The following PDE3B variants were observed in gnomAD, a reference collection of about 807,000 sequenced individuals.
The protein encoded by PDE3B is phosphodiesterase 3B, also known as cGMP-inhibited 3',5'-cyclic phosphodiesterase 3B.
In PDE3B, 66 loss-of-function variants were observed where a neutral mutation model predicts 116.8. The observed-to-expected ratio is 0.56, with a 90% confidence interval of 0.46 to 0.69. The LOEUF is 0.69. Among genes scored for constraint, PDE3B ranks in the 30% least tolerant of loss-of-function variants. PDE3B has a pLI of 0.00. For synonymous variants in PDE3B, 595 were observed against 533.6 expected (o/e 1.12, Z -1.59); for missense variants, 1,384 against 1,368.1 (o/e 1.01, Z -0.18).
In PDE3B at chr11:14,843,870, T is replaced by A. The variant is rs1328108264; in HGVS notation, c.2364T>A (p.Ser788=). 1 of 1,614,090 alleles carries A rather than the reference T, an allele frequency of 6.2e-7. No individual in the cohort carries two copies. The highest frequency in any genetic ancestry group is 8.5e-7 in the Non-Finnish European group (1 of 1,180,030). The part of the protein sequence containing the change: ...RINHGRIAYI[S]SKSCSNPDES... ...ACCATGGGCGAATTGCTTATATTTC[T>A]TCGAAGAGCTGCTCTAATCCTGATG... is the stretch of plus-strand genomic sequence containing the variant. Residue 788 remains serine (S), a synonymous_variant, in exon 12 of 16, where the codon TCT becomes TCA. Coordinates refer to ENST00000282096, the MANE Select transcript of PDE3B (RefSeq NM_000922.4).
chr11:14,794,860 T>C (rs1858504059), intron 4 of PDE3B, among the ~76,000 whole-genome samples: 1 of 152,162 alleles, frequency 6.6e-6, no homozygotes, highest in Admixed American at 6.5e-5. Flanking sequence ...ACAAATAATA[T>C]TTTAAAGGAT....
At chr11:14,885,930 A>G in the PDE3B span, 1 of 1,612,238 alleles carries the variant, frequency 6.2e-7, no homozygotes, top group Non-Finnish European at 8.5e-7. Context: ...TTGAGAAGAG[A>G]AGAAAAACAA....
chr11:14,851,849 C>A (rs1847760469), intron 12 of PDE3B, among the ~76,000 whole-genome samples: 1 of 152,080 alleles, frequency 6.6e-6, no homozygotes, highest in Admixed American at 6.6e-5. Context: ...GATTAAAAGT[C>A]CTGTCTTAGA....
At chr11:14,778,572 C>T (rs1290497696) in intron 2 of PDE3B, among the ~76,000 whole-genome samples, 1 of 152,150 alleles carries the variant, frequency 6.6e-6, no homozygotes, top group East Asian at 1.9e-4. Flanking sequence ...AGTGGACCTC[C>T]AGCAAACTCC....
chr11:14,723,815 G>C (rs1464295580), intron 1 of PDE3B, among the ~76,000 whole-genome samples: 1 of 152,018 alleles, frequency 6.6e-6, no homozygotes, highest in Admixed American at 6.6e-5. Context: ...AAGAGCAATG[G>C]TATGCTTACA....
chr11:14,775,794 C>G (rs899806548), intron 2 of PDE3B: 7 of 152,328 alleles, frequency 4.6e-5, no homozygotes, highest in African/African-American at 1.2e-4. Context: ...ACCTCGGCCT[C>G]CCAAAGTGCT....
In PDE3B at chr11:14,693,057, G is replaced by A. The variant is rs1009029185; in HGVS notation, c.978+48004G>A. ...CTTTACTGCTGATACGGAGAAGTTC[G>A]AGTGGTCTGGATAGAAAATCAAACC... is the stretch of plus-strand genomic sequence containing the variant. On this transcript the variant is annotated intron_variant, in intron 1 of 15. Coordinates refer to ENST00000282096, the MANE Select transcript of PDE3B (RefSeq NM_000922.4). Among the ~76,000 whole-genome samples the A allele has an allele frequency of 7.2e-5, 11 of 152,298 alleles. No individual in the cohort carries two copies. The East Asian group carries it at 1.2e-3, about 16-fold the overall frequency.
the PDE3B span, chr11:14,887,631 T>G: frequency 2.0e-6 from 2 of 985,358 alleles, no homozygotes; most frequent in Non-Finnish European, 2.4e-6. Context: ...TTTCCTTGCC[T>G]TCTAGATCAC....
At chr11:14,703,979 T>G (rs964898935) in intron 1 of PDE3B, among the ~76,000 whole-genome samples, 6 of 151,784 alleles carry the variant, frequency 4.0e-5, no homozygotes, top group African/African-American at 1.4e-4. Flanking sequence ...TTTTTCTTCC[T>G]TAAATCTTTT....
At chr11:14,880,767 G>T in the PDE3B span, 12 of 1,604,780 alleles carry the variant, frequency 7.5e-6, no homozygotes, top group African/African-American at 1.2e-4. Context: ...AATTGAGTAA[G>T]CCTGAAAAAA....
intron 1 of PDE3B, among the ~76,000 whole-genome samples, chr11:14,769,706 C>A (rs902501990): frequency 1.3e-5 from 2 of 148,254 alleles, no homozygotes; most frequent in Admixed American, 1.4e-4. Context: ...TCATCTCCCC[C>A]TTCATGTAAT....
At position 14,695,832 on chromosome 11, in the gene PDE3B, C is replaced by CA. The variant is rs774017549; in HGVS notation, c.978+50782dup. On this transcript the variant is annotated intron_variant, in intron 1 of 15. Coordinates refer to ENST00000282096, the MANE Select transcript of PDE3B (RefSeq NM_000922.4). Reference sequence around the variant, plus strand: ...GCTTCCAGCTTCATCCATGTCCCTACAAAGGACATGATCTCATTCCTTTTA... The same window carrying CA: ...GCTTCCAGCTTCATCCATGTCCCTACAAAAGGACATGATCTCATTCCTTTTA... 1.2e-3 allele frequency among the ~76,000 whole-genome samples: 181 copies of CA among 152,232 alleles called. 3 individuals carry two copies. Among genetic ancestry groups the CA allele is most frequent in the Admixed American group, 2.5e-3 (38 of 15,270 alleles).
chr11:14,835,558 T>C (rs1056791012), intron 11 of PDE3B, among the ~76,000 whole-genome samples: 2 of 152,292 alleles, frequency 1.3e-5, no homozygotes, highest in Non-Finnish European at 2.9e-5. Flanking sequence ...ATTAAAAACT[T>C]TTATAAACAA....
At chr11:14,852,070 G>T (rs1037023561) in intron 12 of PDE3B, among the ~76,000 whole-genome samples, 1 of 152,080 alleles carries the variant, frequency 6.6e-6, no homozygotes, top group African/African-American at 2.4e-5. Context: ...GCTTTGTTTT[G>T]TTTTGAGACA....
At chr11:14,705,304 C>T (rs1157402501) in intron 1 of PDE3B, among the ~76,000 whole-genome samples, 2 of 151,786 alleles carry the variant, frequency 1.3e-5, no homozygotes, top group African/African-American at 4.8e-5. Context: ...CTATCCCTAC[C>T]AGTAGAAGGG....
chr11:14,777,219 G>A (rs1315035033), intron 2 of PDE3B, among the ~76,000 whole-genome samples: 1 of 152,050 alleles, frequency 6.6e-6, no homozygotes, highest in African/African-American at 2.4e-5. Flanking sequence ...CAACATAGAG[G>A]AAACAGAAAC....
chr11:14,804,495 C>G (rs1858861680), intron 5 of PDE3B, among the ~76,000 whole-genome samples: 1 of 151,718 alleles, frequency 6.6e-6, no homozygotes, highest in African/African-American at 2.4e-5. Context: ...TGATTAAAAA[C>G]TCTTGGATGC....
rs751044247 is a variant in PDE3B, at chr11:14,831,623, T to C, written c.1957-17T>C. 6.8e-7 allele frequency: 1 copy of C among 1,466,172 alleles called. No homozygotes were observed. Among genetic ancestry groups the C allele is most frequent in the South Asian group, 1.4e-5 (1 of 70,288 alleles). 90.8% of individuals were successfully genotyped at this position (1,466,172 alleles called of 1,614,324 possible). A position where few individuals can be genotyped will look rare whatever the true frequency, so the allele number is the denominator to read the frequency against. On this transcript the variant is annotated splice_polypyrimidine_tract_variant and intron_variant, in intron 8 of 15. Transcript: ENST00000282096. The stretch of plus-strand genomic sequence containing the variant: ...TATAAAAGATAAAATAAAGTTGTTG[T>C]TTCCCTGTATGTACAGATTGAACAG...
intron 2 of PDE3B, among the ~76,000 whole-genome samples, chr11:14,783,645 G>C (rs992742714): frequency 1.3e-5 from 2 of 152,036 alleles, no homozygotes; most frequent in Admixed American, 1.3e-4. Flanking sequence ...CTAGCATTGG[G>C]AGATATACCT....
Sources: gnomAD v4.1 joint callset for allele counts (sites outside exome capture counted in the v4.1 genomes callset) on GRCh38, gnomAD v4.1.1 for gene constraint, MANE v1.5 for transcripts, NCBI Gene and HGNC (gene_info 2026-07-23, HGNC 2026-07-21) for gene names.